Variants in SCARB1 observed in about 807,000 individuals in gnomAD.
The protein encoded by SCARB1 is scavenger receptor class B member 1.
Under a neutral mutation model 57.2 loss-of-function variants are expected in SCARB1, and 30 were observed. The observed-to-expected ratio is 0.52, with a 90% confidence interval of 0.39 to 0.71. The LOEUF (loss-of-function observed/expected upper bound fraction) is 0.71. SCARB1 is among the 30% of genes least tolerant of loss of function. The pLI, the probability that SCARB1 is intolerant of heterozygous loss-of-function variation, is 0.00. For missense variants in SCARB1, 543 were observed against 671.2 expected (o/e 0.81, Z 2.11); for synonymous variants, 249 against 268.3 (o/e 0.93, Z 0.70).
intron 1 of SCARB1, among the ~76,000 whole-genome samples, chr12:124,832,116 C>T (rs2135745823): frequency 6.6e-6 from 1 of 152,364 alleles, no homozygotes; most frequent in South Asian, 2.1e-4. Context: ...AACACTGGTT[C>T]ATTCATAGCA....
chr12:124,810,281 G>A lies in SCARB1; in HGVS notation c.735C>T (p.Phe245=), dbSNP rs1594263229. 1.9e-6 allele frequency: 3 copies of A among 1,613,338 alleles called. No homozygotes were observed. The highest frequency in any genetic ancestry group is 2.5e-6 in the Non-Finnish European group (3 of 1,179,304). ...TCATGTTGCACTGATCGGAATGCCA[G>A]AAGTCAACCTGGGGGGAAGCATCCA... ...DKWNGLSKVD[F]WHSDQCNMIN... The change falls in exon 6 of 13, where the codon TTC becomes TTT. Residue 245 remains phenylalanine, a synonymous_variant. Transcript: ENST00000261693. The surrounding 1 kb of genome is among the most constrained non-coding windows in gnomAD (Gnocchi z 4.0).
At chr12:124,784,178 GCTCTGCCA>G (rs1259024566) in intron 11 of SCARB1, 1 of 152,394 alleles carries the variant, frequency 6.6e-6, no homozygotes, top group Non-Finnish European at 1.5e-5. Context: ...CTATGGTGAT[GCTCTGCCA>G]CGGGAAGGTA....
intron 1 of SCARB1, among the ~76,000 whole-genome samples, chr12:124,836,625 C>A (rs751710374): frequency 1.6e-4 from 24 of 152,028 alleles, no homozygotes; most frequent in Admixed American, 7.2e-4. Flanking sequence ...AGCCCCATCT[C>A]TACAAAAAAT....
At position 124,834,830 on chromosome 12, in the gene SCARB1, C is replaced by T. The variant is rs151168189; in HGVS notation, c.127-17123G>A. On this transcript the variant is annotated intron_variant, in intron 1 of 12. Transcript: ENST00000261693. The stretch of plus-strand genomic sequence containing the variant: ...GGCTGAGGCAGGAGGATTGCTTGGG[C>T]CCAGAAGGTCGAGGCTGCAGTGAGC... Among the ~76,000 whole-genome samples, 1,100 of 152,232 alleles carry T rather than the reference C, an allele frequency of 7.2e-3. 6 individuals carry two copies. Among genetic ancestry groups the T allele is most frequent in the Non-Finnish European group, 0.011 (777 of 68,008 alleles).
At position 124,822,785 on chromosome 12, in the gene SCARB1, G is replaced by T. The variant is rs575017260; in HGVS notation, c.127-5078C>A. 6.6e-6 allele frequency among the ~76,000 whole-genome samples: 1 copy of T among 152,246 alleles called. No homozygotes were observed. Among genetic ancestry groups the T allele is most frequent in the Admixed American group, 6.5e-5 (1 of 15,290 alleles). The stretch of plus-strand genomic sequence containing the variant: ...CACCTGTGGTCCCAGCTACTCAGGA[G>T]ACTGAGCTGGGAGGATCACTTGAGC... On this transcript the variant is annotated intron_variant, in intron 1 of 12. Transcript: ENST00000261693. The surrounding 1 kb of genome is among the most constrained non-coding windows in gnomAD (Gnocchi z 5.0).
chr12:124,801,612 G>A (rs1472639048), intron 7 of SCARB1, among the ~76,000 whole-genome samples: 1 of 152,034 alleles, frequency 6.6e-6, no homozygotes, highest in East Asian at 1.9e-4. Flanking sequence ...GTGAGACCCC[G>A]TCTCTACTAA....
Position 124,789,779 on chromosome 12 carries a change from G to A in SCARB1, c.1203-2322C>T, listed in dbSNP as rs910769783. ...TGTAATCCCAGCACTTTGGGAGGCC[G>A]AGGCAGGTGGATCACAAGGTCAGGA... is the stretch of plus-strand genomic sequence containing the variant. On this transcript the variant is annotated intron_variant, in intron 9 of 12. Coordinates refer to ENST00000261693, the MANE Select transcript of SCARB1 (RefSeq NM_005505.5). This position sits in a 1 kb window ranked among gnomAD's most constrained non-coding sequence, Gnocchi z 4.4. 3.3e-5 allele frequency among the ~76,000 whole-genome samples: 5 copies of A among 152,264 alleles called. No individual in the cohort carries two copies. The highest frequency in any genetic ancestry group is 4.2e-4 in the South Asian group (2 of 4,818).
chr12:124,804,429 G>A (rs1362907213), intron 7 of SCARB1, among the ~76,000 whole-genome samples: 2 of 152,242 alleles, frequency 1.3e-5, no homozygotes, highest in Admixed American at 6.5e-5. Context: ...TGTGCCTAAT[G>A]CAGAGATCTG....
At chr12:124,856,692 AC>A (rs1952644537) in intron 1 of SCARB1, among the ~76,000 whole-genome samples, 1 of 152,154 alleles carries the variant, frequency 6.6e-6, no homozygotes, top group African/African-American at 2.4e-5. Flanking sequence ...ACATGTCCAA[AC>A]AAGGGGGTCC....
At position 124,810,113 on chromosome 12, in the gene SCARB1, C is replaced by A. The variant is rs1338358357; in HGVS notation, c.842+61G>T. ...ATGCTTTCCAAGTGCACAGCCAACA[C>A]CACAGAATTTGGCCATGAGCTACCC... On this transcript the variant is annotated intron_variant, in intron 6 of 12. Transcript: ENST00000261693. The surrounding 1 kb of genome is among the most constrained non-coding windows in gnomAD (Gnocchi z 4.0). The A allele has an allele frequency of 9.5e-7, 1 of 1,050,214 alleles. No individual in the cohort carries two copies. The highest frequency in any genetic ancestry group is 1.6e-5 in the African/African-American group (1 of 64,176). The allele number at this position is 1,050,214 out of a possible 1,614,324, so 65.1% of individuals were successfully genotyped here.
intron 1 of SCARB1, among the ~76,000 whole-genome samples, chr12:124,846,407 C>T (rs551022759): frequency 4.6e-5 from 7 of 152,144 alleles, no homozygotes; most frequent in East Asian, 1.9e-4. Context: ...GGCAGGGACA[C>T]GAGTGTGTCA....
At chr12:124,832,277 T>C (rs1951427805) in intron 1 of SCARB1, among the ~76,000 whole-genome samples, 1 of 152,194 alleles carries the variant, frequency 6.6e-6, no homozygotes, top group African/African-American at 2.4e-5. Flanking sequence ...CCTAGCACTT[T>C]GGGAGGCCAA....
At chr12:124,816,990 T>TG (rs141948094) in intron 2 of SCARB1, among the ~76,000 whole-genome samples, 12,757 of 151,308 alleles carry the variant, frequency 0.084, 747 homozygotes, top group Middle Eastern at 0.13. Flanking sequence ...AGATAGGGTC[T>TG]GGGGGGTCGG....
chr12:124,844,282 T>C (rs534501066), intron 1 of SCARB1, among the ~76,000 whole-genome samples: 1 of 152,290 alleles, frequency 6.6e-6, no homozygotes, highest in African/African-American at 2.4e-5. Context: ...CGAGTTACCG[T>C]GCATGGCATG....
chr12:124,827,505 C>G (rs552281296), intron 1 of SCARB1, among the ~76,000 whole-genome samples: 2 of 152,252 alleles, frequency 1.3e-5, no homozygotes, highest in South Asian at 4.1e-4. Context: ...TTCTTTCCAT[C>G]TTTTTGCTTT....
At chr12:124,799,699 T>C (rs1950068414) in intron 8 of SCARB1, among the ~76,000 whole-genome samples, 1 of 151,968 alleles carries the variant, frequency 6.6e-6, no homozygotes, top group East Asian at 1.9e-4. Flanking sequence ...AGGAGTGTCC[T>C]TGGGAGGGCC....
chr12:124,819,677 C>T (rs1026588295), intron 1 of SCARB1, among the ~76,000 whole-genome samples: 4 of 152,226 alleles, frequency 2.6e-5, no homozygotes, highest in South Asian at 2.1e-4. Flanking sequence ...CAGGCAGCTG[C>T]GTCACCTTCC....
chr12:124,833,967 G>GA (rs1267327354), intron 1 of SCARB1, among the ~76,000 whole-genome samples: 3 of 152,266 alleles, frequency 2.0e-5, no homozygotes, highest in Non-Finnish European at 2.9e-5. Flanking sequence ...GCTGGGATCT[G>GA]AAAAGCAAGC....
At position 124,853,388 on chromosome 12, in the gene SCARB1, T is replaced by TTG. The variant is rs1219990070; in HGVS notation, c.126+10205_126+10206dup. Among the ~76,000 whole-genome samples, 298 of 128,734 alleles carry TTG rather than the reference T, an allele frequency of 2.3e-3. 3 individuals are homozygous for TTG. Among genetic ancestry groups the TTG allele is most frequent in the African/African-American group, 8.0e-3 (283 of 35,454 alleles). 84.5% of individuals were successfully genotyped at this position (128,734 alleles called of 152,430 possible). ...TTGAAATGATCCAGTTTGCATAGTT[T>TTG]TGTTTTTTTTTTTTTTTTTTTTGGG... On this transcript the variant is annotated intron_variant, in intron 1 of 12. Coordinates refer to ENST00000261693, the MANE Select transcript of SCARB1 (RefSeq NM_005505.5).
Sources: allele counts gnomAD v4.1 joint callset (sites outside exome capture counted in the v4.1 genomes callset), GRCh38; gene constraint gnomAD v4.1.1; non-coding constraint Gnocchi (gnomAD v3.1); transcripts MANE v1.5; gene names NCBI Gene and HGNC (gene_info 2026-07-23, HGNC 2026-07-21).